The following ERC2 variants were observed in gnomAD, a reference collection of about 807,000 sequenced individuals.
ERC2 encodes the protein ELKS/RAB6-interacting/CAST family member 2.
In ERC2, 42 loss-of-function variants were observed where a neutral mutation model predicts 114.8. That is an observed-to-expected ratio of 0.37 (90% CI 0.29 to 0.47). The LOEUF is 0.47. Ranked by LOEUF, ERC2 falls within the 20% of genes least tolerant of loss-of-function variation. The pLI is 0.99. For synonymous variants in ERC2, 454 were observed against 425.5 expected (o/e 1.07, Z -0.82); for missense variants, 939 against 1,150.7 (o/e 0.82, Z 2.66).
intron 12 of ERC2, among the ~76,000 whole-genome samples, chr3:55,952,188 C>A (rs374204610): frequency 0.49 from 47,847 of 98,572 alleles, 13,288 homozygotes; most frequent in Non-Finnish European, 0.58. Context: ...CACTCTCTCT[C>A]TCTCTCTCTC....
chr3:55,675,306 T>C (rs1306608658), intron 17 of ERC2, among the ~76,000 whole-genome samples: 1 of 152,198 alleles, frequency 6.6e-6, no homozygotes, highest in East Asian at 1.9e-4. Context: ...AAGAGTTTCA[T>C]AAGAACACCA....
At chr3:56,186,071 C>A (rs1317566410) in intron 3 of ERC2, among the ~76,000 whole-genome samples, 1 of 133,398 alleles carries the variant, frequency 7.5e-6, no homozygotes, top group Non-Finnish European at 1.6e-5. Context: ...TGGCTTTGGC[C>A]AACCACCTAA....
intron 2 of ERC2, among the ~76,000 whole-genome samples, chr3:56,357,499 G>C (rs1487758233): frequency 6.6e-6 from 1 of 151,992 alleles, no homozygotes; most frequent in Non-Finnish European, 1.5e-5. Flanking sequence ...AGCTGGAGCT[G>C]GCACCTCTTC....
intron 10 of ERC2, among the ~76,000 whole-genome samples, chr3:56,003,573 T>C (rs2149552935): frequency 6.6e-6 from 1 of 152,216 alleles, no homozygotes; most frequent in Non-Finnish European, 1.5e-5. Context: ...TTCTTTTACA[T>C]TAACACAAGC....
chr3:56,034,228 CAAAG>C, intron 7 of ERC2, among the ~76,000 whole-genome samples: 1 of 151,852 alleles, frequency 6.6e-6, no homozygotes, highest in Admixed American at 6.6e-5. Context: ...TCATAAGAGA[CAAAG>C]AAGGTCATTG....
At chr3:56,272,960 C>T (rs900254128) in intron 3 of ERC2, among the ~76,000 whole-genome samples, 1 of 152,188 alleles carries the variant, frequency 6.6e-6, no homozygotes, top group Non-Finnish European at 1.5e-5. Flanking sequence ...AAAGGGGTAA[C>T]TCGTCCTCAT....
intron 7 of ERC2, among the ~76,000 whole-genome samples, chr3:56,070,769 C>T (rs1215162130): frequency 6.6e-6 from 1 of 152,150 alleles, no homozygotes; most frequent in Non-Finnish European, 1.5e-5. Flanking sequence ...AATAGAAAAG[C>T]TCCGAAATGT....
chr3:55,681,783 C>A (rs1196555517), intron 17 of ERC2, among the ~76,000 whole-genome samples: 1 of 152,224 alleles, frequency 6.6e-6, no homozygotes, highest in Non-Finnish European at 1.5e-5. Context: ...GGGCTTAATA[C>A]AATCGTCTGC....
intron 4 of ERC2, among the ~76,000 whole-genome samples, chr3:56,150,206 A>T (rs1437285824): frequency 6.6e-6 from 1 of 152,202 alleles, no homozygotes; most frequent in Non-Finnish European, 1.5e-5. Flanking sequence ...AAAGACTAAG[A>T]ACTCCAAAAG....
chr3:55,870,874 C>T (rs1039752509), intron 14 of ERC2, among the ~76,000 whole-genome samples: 12 of 152,210 alleles, frequency 7.9e-5, no homozygotes, highest in Non-Finnish European at 1.5e-4. Flanking sequence ...GGACTGTGGC[C>T]TTCACATTTC....
intron 17 of ERC2, among the ~76,000 whole-genome samples, chr3:55,608,362 T>G (rs2058734997): frequency 6.6e-6 from 1 of 152,190 alleles, no homozygotes; most frequent in African/African-American, 2.4e-5. Context: ...ATTAGGTTTT[T>G]TACAATAAAA....
At chr3:56,433,262 C>T (rs2061874801) in intron 2 of ERC2, among the ~76,000 whole-genome samples, 1 of 149,636 alleles carries the variant, frequency 6.7e-6, no homozygotes, top group Non-Finnish European at 1.5e-5. Context: ...GATTCCAAAG[C>T]GCTTATAAAA....
intron 17 of ERC2, among the ~76,000 whole-genome samples, chr3:55,601,914 C>T (rs1477822609): frequency 6.6e-6 from 1 of 152,168 alleles, no homozygotes; most frequent in African/African-American, 2.4e-5. Flanking sequence ...AGAGTAAGTA[C>T]TCCACTTCCT....
intron 3 of ERC2, among the ~76,000 whole-genome samples, chr3:56,186,530 T>C (rs2083630156): frequency 2.0e-5 from 3 of 152,078 alleles, no homozygotes; most frequent in Admixed American, 2.0e-4. Flanking sequence ...TGTTTGTTTG[T>C]TTGTTTTGTT....
intron 14 of ERC2, among the ~76,000 whole-genome samples, chr3:55,771,967 C>A (rs1322499831): frequency 3.3e-5 from 5 of 152,148 alleles, no homozygotes; most frequent in Non-Finnish European, 5.9e-5. Context: ...TATCCATCAG[C>A]GACCTGGGAG....
intron 14 of ERC2, among the ~76,000 whole-genome samples, chr3:55,806,146 C>T (rs774405618): frequency 6.6e-6 from 1 of 151,966 alleles, no homozygotes; most frequent in Non-Finnish European, 1.5e-5. Flanking sequence ...ACCAGCCTGA[C>T]CAACATGGTG....
chr3:55,839,658 A>T lies in ERC2; in HGVS notation c.2564+48731T>A, dbSNP rs9881830. Among the ~76,000 whole-genome samples, 633 of 152,114 alleles carry T rather than the reference A, an allele frequency of 4.2e-3. 9 individuals are homozygous for T. The highest frequency in any genetic ancestry group is 0.014 in the African/African-American group (601 of 41,566). Reference sequence around the variant, plus strand: ...AATAAGTTAAAGATACATATTATAAATCCTAAAGCAACCACCAAAATAACA... The same window carrying T: ...AATAAGTTAAAGATACATATTATAATTCCTAAAGCAACCACCAAAATAACA... On this transcript the variant is annotated intron_variant, in intron 14 of 17. Transcript: ENST00000288221.
intron 3 of ERC2, among the ~76,000 whole-genome samples, chr3:56,202,176 C>G (rs1315219223): frequency 6.6e-6 from 1 of 152,132 alleles, no homozygotes; most frequent in African/African-American, 2.4e-5. Flanking sequence ...CAAGAACATC[C>G]CCAGGTAAAA....
At position 56,173,437 on chromosome 3, in the gene ERC2, A is replaced by G. The variant is rs750111125; in HGVS notation, c.1149+9T>C. On this transcript the variant is annotated intron_variant, in intron 4 of 17. Transcript: ENST00000288221. ...ATAACTGTTTCTGACAAAAGTGCACAGTTCCTACCTTCATTTCGATGACAG... is the reference window on the plus strand; with the variant it reads ...ATAACTGTTTCTGACAAAAGTGCACGGTTCCTACCTTCATTTCGATGACAG... 8 of 1,613,560 alleles carry G rather than the reference A, an allele frequency of 5.0e-6. No individual in the cohort carries two copies. Among genetic ancestry groups the G allele is most frequent in the Non-Finnish European group, 6.8e-6 (8 of 1,179,512 alleles).
Sources: gnomAD v4.1 joint callset for allele counts (sites outside exome capture counted in the v4.1 genomes callset) on GRCh38, gnomAD v4.1.1 for gene constraint, MANE v1.5 for transcripts, NCBI Gene and HGNC (gene_info 2026-07-23, HGNC 2026-07-21) for gene names.